FCRL3: variants seen among roughly 807,000 people sequenced by gnomAD.
The protein encoded by FCRL3 is Fc receptor-like protein 3.
In FCRL3, 89 loss-of-function variants were observed where a neutral mutation model predicts 75.0. The ratio of observed to expected loss-of-function variants is 1.19; its 90% CI spans 1.00 to 1.42. FCRL3 has a LOEUF of 1.42. Ranked by LOEUF, FCRL3 falls within the 40% of genes most tolerant of loss-of-function variation. The pLI is 0.00. For missense variants in FCRL3, 946 were observed against 880.0 expected (o/e 1.07, Z -0.95); for synonymous variants, 376 against 348.5 (o/e 1.08, Z -0.88).
In FCRL3 at chr1:157,696,169, T is replaced by G; in HGVS notation, c.1003A>C (p.Thr335Pro). ...AGCTCTGCCAACAGGGAACGCTGGG[T>G]CTTTCTACCCAGGCTTCTTACTCTT... ...EGRVRSLGRKTQRSLLAELHV... is the reference protein window; with the variant it reads ...EGRVRSLGRKPQRSLLAELHV... The change falls in exon 7 of 15, where the codon ACC becomes CCC. Residue 335 changes from threonine to proline, a missense_variant. Physicochemically the swap from Thr to Pro is conservative, Grantham distance 38 (BLOSUM62 -1). Transcript: ENST00000368184. 6.2e-7 allele frequency: 1 copy of G among 1,613,864 alleles called. No homozygotes were observed. The highest frequency in any genetic ancestry group is 1.1e-5 in the South Asian group (1 of 91,056).
Position 157,699,750 on chromosome 1 carries a change from G to A in FCRL3, c.32-38C>T, listed in dbSNP as rs766646561. The A allele has an allele frequency of 1.6e-5, 26 of 1,609,284 alleles. No homozygotes were observed. In the East Asian group the frequency reaches 4.2e-4, roughly 26 times the overall value. On this transcript the variant is annotated intron_variant, in intron 2 of 14. Transcript: ENST00000368184. Reference sequence around the variant, plus strand: ...AGAAAATGACAATCAGACACTCTCCGAAACATTTTCTAACAACCTAACCAC... The same window carrying A: ...AGAAAATGACAATCAGACACTCTCCAAAACATTTTCTAACAACCTAACCAC...
intron 11 of FCRL3, 111 bp downstream of exon 11, chr1:157,683,106 C>T (rs547581269): frequency 3.4e-5 from 41 of 1,218,634 alleles, no homozygotes; most frequent in African/African-American, 2.7e-4. Context: ...TTTGTAAGAA[C>T]GTAAAAATGC....
In FCRL3 at chr1:157,696,123, T is replaced by C. The variant is rs745363847; in HGVS notation, c.1049A>G (p.Glu350Gly). The stretch of plus-strand genomic sequence containing the variant: ...ACAGTAGTATCTCCCTGCATCACTC[T>C]CCTTCACGGTGAGAACATGCAGCTC... ...LAELHVLTVK[E>G]SDAGRYYCAA... Residue 350 changes from glutamate (E) to glycine (G), a missense_variant, in exon 7 of 15, where the codon GAG becomes GGG. Transcript: ENST00000368184. The C allele has an allele frequency of 6.2e-7, 1 of 1,613,900 alleles. No homozygotes were observed. The highest frequency in any genetic ancestry group is 1.3e-5 in the African/African-American group (1 of 75,010).
chr1:157,681,020 G>A lies in FCRL3; in HGVS notation c.1918C>T (p.Pro640Ser). Residue 640 changes from proline (P) to serine (S), a missense_variant, in exon 12 of 15, where the codon CCA becomes TCA. Pro to Ser is a moderately conservative substitution (Grantham distance 74, BLOSUM62 -1). Transcript: ENST00000368184. ...IDPQEPTHSK[P>S]LAPMELEPMY... ...GGCTCCAGCTCCATTGGGGCTAGTG[G>A]TTTAGAGTGAGTGGGCTCTTGAGGG... 6.2e-7 allele frequency: 1 copy of A among 1,606,108 alleles called. No homozygotes were observed. The highest frequency in any genetic ancestry group is 8.5e-7 in the Non-Finnish European group (1 of 1,177,144).
rs367855696 is a variant in FCRL3, at chr1:157,697,613, C to A, written c.559+46G>T. 3.8e-6 allele frequency: 6 copies of A among 1,576,558 alleles called. No individual in the cohort carries two copies. The African/African-American group carries it at 5.4e-5, about 14-fold the overall frequency. On this transcript the variant is annotated intron_variant, in intron 5 of 14. Transcript: ENST00000368184. The stretch of plus-strand genomic sequence containing the variant: ...CTGATAAACATCTTCCCTTTATCCC[C>A]AGTTTCCCTAACAAACCCAGTAATC...
Position 157,679,061 on chromosome 1 carries a change from T to C in FCRL3, c.2027-88A>G, listed in dbSNP as rs961671289. The C allele has an allele frequency of 5.7e-6, 8 of 1,415,454 alleles. No homozygotes were observed. The East Asian group carries it at 1.6e-4, about 29-fold the overall frequency. The allele number at this position is 1,415,454 out of a possible 1,614,324, so 87.7% of individuals were successfully genotyped here. On this transcript the variant is annotated intron_variant, in intron 13 of 14. Coordinates refer to ENST00000368184, the MANE Select transcript of FCRL3 (RefSeq NM_052939.4). ...GTACGCACACTGCATTCCAAACCAA[T>C]CTTCTTGATTTGCTTGATCTCTTGC...
At position 157,698,590 on chromosome 1, in the gene FCRL3, C is replaced by G; in HGVS notation, c.92G>C (p.Trp31Ser). 1 of 1,614,000 alleles carries G rather than the reference C, an allele frequency of 6.2e-7. No individual in the cohort carries two copies. Among genetic ancestry groups the G allele is most frequent in the Non-Finnish European group, 8.5e-7 (1 of 1,179,876 alleles). The stretch of plus-strand genomic sequence containing the variant: ...TTTTTCTCCTTTGAAGGCTGTGGAC[C>G]ATGGAGGATTGAGGAGAAGTACAGC... ...PKAVLLLNPPWSTAFKGEKVA... is the reference protein window; with the variant it reads ...PKAVLLLNPPSSTAFKGEKVA... The change falls in exon 4 of 15, where the codon TGG becomes TCG. Residue 31 changes from tryptophan (W) to serine (S), a missense_variant. Physicochemically the swap from Trp to Ser is radical, Grantham distance 177. Coordinates refer to ENST00000368184, the MANE Select transcript of FCRL3 (RefSeq NM_052939.4).
chr1:157,680,926 C>A, intron 12 of FCRL3, 55 bp downstream of exon 12: 1 of 1,488,012 alleles, frequency 6.7e-7, no homozygotes, highest in Non-Finnish European at 9.2e-7. Flanking sequence ...TCGCTCAATC[C>A]CTCTTCCCTC....
chr1:157,688,460 A>T (rs1397341652), intron 10 of FCRL3, among the ~76,000 whole-genome samples: 1 of 152,168 alleles, frequency 6.6e-6, no homozygotes, highest in Non-Finnish European at 1.5e-5. Context: ...ATTGCAGAAG[A>T]AATGGATAAA....
chr1:157,697,812 C>A lies in FCRL3; in HGVS notation c.406G>T (p.Asp136Tyr), dbSNP rs1656046862. 1.2e-6 allele frequency: 2 copies of A among 1,614,032 alleles called. No individual in the cohort carries two copies. Among genetic ancestry groups the A allele is most frequent in the African/African-American group, 1.3e-5 (1 of 74,912 alleles). The stretch of plus-strand genomic sequence containing the variant: ...TAACTATTAGGAAGCTGTTTTCCAT[C>A]CTTGTAGTAAACCTTTTGATGAGTG... ...KNTHQKVYYK[D>Y]GKQLPNSYNL... The change falls in exon 5 of 15, where the codon GAT becomes TAT. Residue 136 changes from aspartate (D) to tyrosine (Y), a missense_variant. By Grantham distance (160) the Asp-to-Tyr change is radical. Coordinates refer to ENST00000368184, the MANE Select transcript of FCRL3 (RefSeq NM_052939.4).
chr1:157,690,491 G>GC lies in FCRL3; in HGVS notation c.1453dup (p.Ala485GlyfsTer14). 2 of 1,614,246 alleles carry GC rather than the reference G, an allele frequency of 1.2e-6. No individual in the cohort carries two copies. The highest frequency in any genetic ancestry group is 1.3e-5 in the African/African-American group (1 of 75,064). On this transcript the variant is annotated frameshift_variant, in exon 9 of 15. Transcript: ENST00000368184. LOFTEE classifies it high-confidence loss of function. ...CAGCAGGTCCCCCACCACAGCCTGG[G>GC]CCCCGGGAGCCCTGAGGGTGAGGAC...
chr1:157,691,039 C>G (rs77191363), intron 8 of FCRL3, among the ~76,000 whole-genome samples: 8,474 of 102,292 alleles, frequency 0.083, 288 homozygotes, highest in African/African-American at 0.17. Flanking sequence ...ATGTATGTAT[C>G]TATCTATCAT....
Position 157,697,699 on chromosome 1 carries a change from G to A in FCRL3, c.519C>T (p.Asp173=). 6.2e-7 allele frequency: 1 copy of A among 1,613,882 alleles called. No homozygotes were observed. Among genetic ancestry groups the A allele is most frequent in the Non-Finnish European group, 8.5e-7 (1 of 1,179,852 alleles). ...TTAGGGGTTTTGAAGTTACTTCAAT[G>A]TCAAGTATGTAAAACTTCCTATAAG... is the stretch of plus-strand genomic sequence containing the variant. ...CTAYRKFYIL[D]IEVTSKPLNI... The change falls in exon 5 of 15, where the codon GAC becomes GAT. Residue 173 remains aspartate (D), a synonymous_variant. Transcript: ENST00000368184.
At chr1:157,687,966 AT>A (rs1655278510) in intron 10 of FCRL3, among the ~76,000 whole-genome samples, 1 of 152,170 alleles carries the variant, frequency 6.6e-6, no homozygotes, top group South Asian at 2.1e-4. Flanking sequence ...AGTTATGGCT[AT>A]TATACTAACA....
Position 157,678,545 on chromosome 1 carries a change from CA to C in FCRL3, c.*164del. On this transcript the variant is annotated 3_prime_UTR_variant, in exon 15 of 15. Transcript: ENST00000368184. ...GCCTGCTCTCTTCCTGGGGAACACACAGATCAGGCACAGGGGAGATTTGCAG... is the reference window on the plus strand; with the variant it reads ...GCCTGCTCTCTTCCTGGGGAACACACGATCAGGCACAGGGGAGATTTGCAG... 1 of 1,464,634 alleles carries C rather than the reference CA, an allele frequency of 6.8e-7. No homozygotes were observed. Among genetic ancestry groups the C allele is most frequent in the East Asian group, 2.4e-5 (1 of 41,804 alleles). 90.7% of individuals were successfully genotyped at this position (1,464,634 alleles called of 1,614,324 possible). A position where few individuals can be genotyped will look rare whatever the true frequency, so the allele number is the denominator to read the frequency against.
Position 157,678,334 on chromosome 1 carries a change from G to A in FCRL3, c.*376C>T. 3.9e-6 allele frequency: 4 copies of A among 1,036,782 alleles called. No homozygotes were observed. Among genetic ancestry groups the A allele is most frequent in the Non-Finnish European group, 4.6e-6 (4 of 861,814 alleles). The allele number at this position is 1,036,782 out of a possible 1,614,324, so 64.2% of individuals were successfully genotyped here. On this transcript the variant is annotated 3_prime_UTR_variant, in exon 15 of 15. Transcript: ENST00000368184. The stretch of plus-strand genomic sequence containing the variant: ...GGAAACAAAATATTTGGAGCAAATT[G>A]TTTATACAGAGAGCACATTAACAGC...
intron 11 of FCRL3, 62 bp from the exon 12 acceptor site, chr1:157,681,161 A>G: frequency 8.6e-7 from 1 of 1,163,756 alleles, no homozygotes; most frequent in South Asian, 2.3e-5. Flanking sequence ...AATTTCAGGG[A>G]AATCAATATT....
intron 5 of FCRL3, 104 bp downstream of exon 5, chr1:157,697,555 C>T: frequency 1.4e-6 from 2 of 1,478,622 alleles, no homozygotes; most frequent in Non-Finnish European, 1.8e-6. Context: ...CCTCCCATGG[C>T]TGAGCCATAG....
Position 157,676,674 on chromosome 1 carries a change from A to T in FCRL3, c.*2036T>A. 1 of 1,527,704 alleles carries T rather than the reference A, an allele frequency of 6.5e-7. No individual in the cohort carries two copies. The highest frequency in any genetic ancestry group is 8.9e-7 in the Non-Finnish European group (1 of 1,126,396). The allele number at this position is 1,527,704 out of a possible 1,614,324, so 94.6% of individuals were successfully genotyped here. ...TATCCGAGATGTACAGTTAGGACTC[A>T]CCCCTTCTTCCACTCACATACTCTG... On this transcript the variant is annotated 3_prime_UTR_variant, in exon 15 of 15. Transcript: ENST00000368184.
Sources: allele counts gnomAD v4.1 joint callset (sites outside exome capture counted in the v4.1 genomes callset), GRCh38; gene constraint gnomAD v4.1.1; transcripts MANE v1.5; gene names NCBI Gene and HGNC (gene_info 2026-07-23, HGNC 2026-07-21).